The following PPA1 variants were observed in gnomAD, a reference collection of about 807,000 sequenced individuals.
The protein encoded by PPA1 is inorganic pyrophosphatase.
PPA1 carries 23 observed loss-of-function variants against 41.8 expected under a neutral mutation model. That is an observed-to-expected ratio of 0.55 (90% CI 0.40 to 0.78). The LOEUF is 0.78. PPA1 is among the 30% of genes least tolerant of loss of function. The pLI is 0.00. For synonymous variants in PPA1, 101 were observed against 116.8 expected, an observed-to-expected ratio of 0.86 and a Z score of 0.87; for missense variants, 320 against 361.6, an observed-to-expected ratio of 0.89 and a Z score of 0.93.
chr10:70,233,320 C>A lies in PPA1; in HGVS notation c.8G>T (p.Gly3Val). ...CGCGGCGCGCTCCTCGGTGCTGAAGCCGCTCATAGTGCCGGAGTCCTGCCG... is the reference window on the plus strand; with the variant it reads ...CGCGGCGCGCTCCTCGGTGCTGAAGACGCTCATAGTGCCGGAGTCCTGCCG... MS[G>V]FSTEERAAPF... Residue 3 changes from glycine to valine, a missense_variant, in exon 1 of 11, where the codon GGC (glycine) becomes GTC (valine). Coordinates refer to ENST00000373232, the MANE Select transcript of PPA1 (RefSeq NM_021129.4). 1 of 1,539,548 alleles carries A rather than the reference C, an allele frequency of 6.5e-7. No homozygotes were observed.
At chr10:70,218,637 T>G (rs1216798725) in intron 3 of PPA1, 127 bp downstream of exon 3, 8 of 722,978 alleles carry the variant, frequency 1.1e-5, no homozygotes, top group Non-Finnish European at 1.9e-5. Flanking sequence ...GAGATACAAC[T>G]AGAAAATAGA....
At chr10:70,205,212 G>T (rs746090547) in intron 9 of PPA1, 1 of 176,948 alleles carries the variant, frequency 5.7e-6, no homozygotes, top group Non-Finnish European at 1.2e-5. Flanking sequence ...GTGAAACCCC[G>T]TCTCTACTAA....
chr10:70,218,458 G>T, intron 3 of PPA1: 1 of 274,256 alleles, frequency 3.6e-6, no homozygotes, highest in Non-Finnish European at 6.9e-6. Flanking sequence ...ATCTGTGGCT[G>T]GGGTGACTAA....
At chr10:70,230,276 A>C in intron 2 of PPA1, 65 bp downstream of exon 2, 1 of 1,549,946 alleles carries the variant, frequency 6.5e-7, no homozygotes, top group African/African-American at 1.4e-5. Context: ...ACATATAAGA[A>C]AATTCATATG....
chr10:70,232,089 G>A (rs1397446084), intron 1 of PPA1, among the ~76,000 whole-genome samples: 1 of 152,190 alleles, frequency 6.6e-6, no homozygotes, highest in Non-Finnish European at 1.5e-5. Context: ...GTGGGGGGTA[G>A]TTCTCACCCT....
intron 4 of PPA1, among the ~76,000 whole-genome samples, 194 bp from the exon 5 acceptor site, chr10:70,214,780 C>T (rs1027296113): frequency 2.0e-5 from 3 of 152,150 alleles, no homozygotes; most frequent in Admixed American, 1.3e-4. Flanking sequence ...ACATCTAATG[C>T]TAAACTAAAT....
chr10:70,226,296 T>C (rs10733858), intron 2 of PPA1, among the ~76,000 whole-genome samples: 106,942 of 152,058 alleles, frequency 0.7, 38,860 homozygotes, highest in Non-Finnish European at 0.79. Context: ...AGCTGCTGGC[T>C]GGGTGTGGGA....
At chr10:70,203,696 C>T (rs57721386) in intron 10 of PPA1, 11,018 of 152,460 alleles carry the variant, frequency 0.072, 891 homozygotes, top group African/African-American at 0.21. Flanking sequence ...GTGTGAGCCA[C>T]CACACCCAGC....
rs781530425 is a variant in PPA1 at position 70,213,547 on chromosome 10, T to A, written c.427A>T (p.Ile143Leu). ...GEIIGVKVLG[I>L]LAMIDEGETD... ...TCCCCTTCGTCAATCATAGCCAATATGCCTAGAACTTTCACGCCAATTATT... is the reference window on the plus strand; with the variant it reads ...TCCCCTTCGTCAATCATAGCCAATAAGCCTAGAACTTTCACGCCAATTATT... Residue 143 changes from isoleucine (I) to leucine (L), a missense_variant, in exon 6 of 11, where the codon ATA becomes TTA. Ile to Leu is a conservative substitution (Grantham distance 5). Coordinates refer to ENST00000373232, the MANE Select transcript of PPA1 (RefSeq NM_021129.4). The A allele has an allele frequency of 6.2e-7, 1 of 1,614,024 alleles. No homozygotes were observed. Among genetic ancestry groups the A allele is most frequent in the South Asian group, 1.1e-5 (1 of 91,078 alleles).
chr10:70,225,574 G>A (rs1840221450), intron 2 of PPA1, among the ~76,000 whole-genome samples: 1 of 151,788 alleles, frequency 6.6e-6, no homozygotes, highest in African/African-American at 2.4e-5. Flanking sequence ...AAACAGTAGA[G>A]GTAGAGAGAA....
intron 2 of PPA1, among the ~76,000 whole-genome samples, chr10:70,224,800 G>A (rs1169618685): frequency 1.3e-5 from 2 of 151,910 alleles, no homozygotes; most frequent in Non-Finnish European, 2.9e-5. Context: ...GTGCAATCTC[G>A]GCTCACTGCA....
chr10:70,217,927 G>T lies in PPA1; in HGVS notation c.182C>A (p.Ala61Asp). The T allele has an allele frequency of 6.4e-7, 1 of 1,551,368 alleles. No homozygotes were observed. The highest frequency in any genetic ancestry group is 1.2e-5 in the South Asian group (1 of 81,972). The part of the protein sequence containing the change: ...PRWSNAKMEI[A>D]TKDPLNPIKQ... ...AATAGGGTTTAAAGGGTCCTTTGTA[G>T]CAATCTGAAATAAGAAAATTTCAAA... Residue 61 changes from alanine to aspartate, a missense_variant, in exon 4 of 11, where the codon GCT (alanine) becomes GAT (aspartate). By Grantham distance (126) the Ala-to-Asp change is moderately radical (BLOSUM62 -2). Transcript: ENST00000373232.
intron 2 of PPA1, among the ~76,000 whole-genome samples, chr10:70,221,374 A>G (rs542567866): frequency 6.6e-6 from 1 of 152,028 alleles, no homozygotes; most frequent in South Asian, 2.1e-4. Flanking sequence ...AGACTAAAGC[A>G]TCCATAGGTT....
rs1840275936 is a variant in PPA1, at chr10:70,230,282, A to G, written c.123+59T>C. 7 of 1,567,474 alleles carry G rather than the reference A, an allele frequency of 4.5e-6. No homozygotes were observed. The African/African-American group carries it at 5.4e-5, about 12-fold the overall frequency. ...TGTTGAGAGACATATAAGAAAATTCATATGTAGAACTAGCTGATCTGAGTA... is the reference window on the plus strand; with the variant it reads ...TGTTGAGAGACATATAAGAAAATTCGTATGTAGAACTAGCTGATCTGAGTA... On this transcript the variant is annotated intron_variant, in intron 2 of 10. Coordinates refer to ENST00000373232, the MANE Select transcript of PPA1 (RefSeq NM_021129.4).
chr10:70,223,282 A>AT (rs1840196034), intron 2 of PPA1, among the ~76,000 whole-genome samples: 2 of 152,184 alleles, frequency 1.3e-5, no homozygotes, highest in Admixed American at 6.5e-5. Context: ...TGACGCAATC[A>AT]TAGCTCACTG....
At chr10:70,230,502 C>A (rs765155052) in intron 1 of PPA1, 103 bp from the exon 2 acceptor site, 43 of 1,176,080 alleles carry the variant, frequency 3.7e-5, no homozygotes, top group Non-Finnish European at 4.5e-5. Flanking sequence ...TACTCTGTCA[C>A]CCAGGATGGT....
chr10:70,218,954 C>T, intron 2 of PPA1, 137 bp from the exon 3 acceptor site: 1 of 636,412 alleles, frequency 1.6e-6, no homozygotes, highest in Non-Finnish European at 2.8e-6. Flanking sequence ...CAAAATGCAT[C>T]AAAAAAAGAG....
chr10:70,226,905 G>A (rs76177216), intron 2 of PPA1, among the ~76,000 whole-genome samples: 4,602 of 151,942 alleles, frequency 0.03, 90 homozygotes, highest in South Asian at 0.064. Flanking sequence ...GCTTCTATAC[G>A]CTCCCAACAA....
intron 6 of PPA1, among the ~76,000 whole-genome samples, chr10:70,210,642 A>C (rs1338026685): frequency 2.6e-5 from 4 of 152,208 alleles, no homozygotes; most frequent in Non-Finnish European, 5.9e-5. Flanking sequence ...CTCCTGCTCA[A>C]TGCAAGCAAA....
Sources: gnomAD v4.1 joint callset for allele counts (sites outside exome capture counted in the v4.1 genomes callset) on GRCh38, gnomAD v4.1.1 for gene constraint, MANE v1.5 for transcripts, NCBI Gene and HGNC (gene_info 2026-07-23, HGNC 2026-07-21) for gene names.